The following ERC1 variants were observed in gnomAD, a reference collection of about 807,000 sequenced individuals.
The protein encoded by ERC1 is RAB6 interacting protein 2.
Under a neutral mutation model 132.0 loss-of-function variants are expected in ERC1, and 56 were observed. The observed-to-expected ratio is 0.42, with a 90% CI of 0.34 to 0.53. The LOEUF (loss-of-function observed/expected upper bound fraction) is 0.53. ERC1 is among the 20% of genes least tolerant of loss of function. The pLI, the probability that ERC1 is intolerant of heterozygous loss-of-function variation, is 0.03. For synonymous variants in ERC1, 478 were observed against 476.1 expected, an observed-to-expected ratio of 1.00 and a Z score of -0.05; for missense variants, 1,202 against 1,349.9, an observed-to-expected ratio of 0.89 and a Z score of 1.72.
intron 16 of ERC1, among the ~76,000 whole-genome samples, chr12:1,390,073 C>G (rs1319635842): frequency 6.6e-6 from 1 of 152,042 alleles, no homozygotes; most frequent in Non-Finnish European, 1.5e-5. Flanking sequence ...CTGGAAGTGA[C>G]CTTTGTATAT....
intron 3 of ERC1, among the ~76,000 whole-genome samples, chr12:1,099,529 C>G (rs1204600297): frequency 6.6e-6 from 1 of 152,180 alleles, no homozygotes; most frequent in Non-Finnish European, 1.5e-5. Flanking sequence ...TAATTACTCT[C>G]TTACAGTATT....
chr12:1,307,781 A>G (rs562835148), intron 15 of ERC1, among the ~76,000 whole-genome samples: 22 of 152,280 alleles, frequency 1.4e-4, no homozygotes, highest in African/African-American at 4.8e-4. Flanking sequence ...TCCTCCATCT[A>G]AGCTTCTTAA....
At chr12:1,230,426 A>G (rs1347834394) in intron 12 of ERC1, among the ~76,000 whole-genome samples, 1 of 152,132 alleles carries the variant, frequency 6.6e-6, no homozygotes, top group Non-Finnish European at 1.5e-5. Flanking sequence ...ATTTTATACC[A>G]TTGTAGTTGA....
intron 15 of ERC1, among the ~76,000 whole-genome samples, chr12:1,351,150 G>A (rs1181825759): frequency 6.6e-6 from 1 of 152,164 alleles, no homozygotes; most frequent in East Asian, 1.9e-4. Context: ...ACACCATAGT[G>A]ATATCCTTGG....
intron 6 of ERC1, among the ~76,000 whole-genome samples, chr12:1,113,059 A>G (rs897713009): frequency 3.3e-5 from 5 of 152,194 alleles, no homozygotes; most frequent in African/African-American, 1.2e-4. Flanking sequence ...CAGTATGACA[A>G]CTATTTACAT....
chr12:1,100,819 T>G lies in ERC1; in HGVS notation c.1087-3931T>G, dbSNP rs115556602. 2.1e-3 allele frequency among the ~76,000 whole-genome samples: 323 copies of G among 152,126 alleles called. 2 individuals are homozygous for G. Among genetic ancestry groups the G allele is most frequent in the African/African-American group, 7.6e-3 (317 of 41,496 alleles). On this transcript the variant is annotated intron_variant, in intron 3 of 18. Transcript: ENST00000360905. ...ATGGATTTCAGTAGGAGGTAAACAT[T>G]TGGGAGTTATCAGTATGTGCATGAT...
intron 2 of ERC1, among the ~76,000 whole-genome samples, chr12:1,068,445 T>A (rs993663524): frequency 6.6e-6 from 1 of 152,152 alleles, no homozygotes. Flanking sequence ...CCTTTCTTAT[T>A]TATTACATAC....
chr12:994,450 G>A (rs1484600218), intron 1 of ERC1, among the ~76,000 whole-genome samples: 1 of 152,164 alleles, frequency 6.6e-6, no homozygotes, highest in East Asian at 1.9e-4. Context: ...CTTTGCCATG[G>A]TATGATGTAG....
chr12:1,373,646 G>C (rs1371978733), intron 16 of ERC1, among the ~76,000 whole-genome samples: 1 of 152,186 alleles, frequency 6.6e-6, no homozygotes, highest in East Asian at 1.9e-4. Flanking sequence ...TGGATGTGGT[G>C]GTGCACCTCT....
chr12:1,345,430 G>A (rs1227091926), intron 15 of ERC1, among the ~76,000 whole-genome samples: 11 of 152,120 alleles, frequency 7.2e-5, no homozygotes, highest in South Asian at 4.2e-4. Flanking sequence ...TGATCTGCCC[G>A]CCTCGGCCTC....
intron 15 of ERC1, among the ~76,000 whole-genome samples, chr12:1,343,212 C>A (rs1451756849): frequency 6.6e-6 from 1 of 152,178 alleles, no homozygotes; most frequent in Non-Finnish European, 1.5e-5. Context: ...TGCAAACAGG[C>A]ATCATAAGCA....
intron 2 of ERC1, among the ~76,000 whole-genome samples, chr12:1,072,056 G>A (rs939417227): frequency 6.6e-6 from 1 of 151,132 alleles, no homozygotes; most frequent in African/African-American, 2.4e-5. Context: ...AGCCAAGATT[G>A]CGCCACTACA....
chr12:1,463,688 G>T (rs2093684783), intron 18 of ERC1, among the ~76,000 whole-genome samples: 1 of 108,440 alleles, frequency 9.2e-6, no homozygotes, highest in African/African-American at 5.7e-5. Context: ...AGGGGTTGGG[G>T]TGCTAAGACT....
chr12:1,229,236 T>C (rs2074839433), intron 12 of ERC1, among the ~76,000 whole-genome samples: 1 of 152,216 alleles, frequency 6.6e-6, no homozygotes, highest in East Asian at 1.9e-4. Flanking sequence ...CTTGTCCAGG[T>C]ACAGTGTGTA....
intron 13 of ERC1, among the ~76,000 whole-genome samples, chr12:1,244,274 T>C (rs2076017940): frequency 6.6e-6 from 1 of 152,200 alleles, no homozygotes; most frequent in African/African-American, 2.4e-5. Flanking sequence ...AATAGTAGAA[T>C]AGCAATTAAT....
Position 1,059,966 on chromosome 12 carries a change from G to T in ERC1, c.670-23198G>T, listed in dbSNP as rs200883240. ...TTAGCATTAAAGCTATCTGATCCAGGGTTTCCTTTGTTGAGAGACTTTTTA... is the reference window on the plus strand; with the variant it reads ...TTAGCATTAAAGCTATCTGATCCAGTGTTTCCTTTGTTGAGAGACTTTTTA... On this transcript the variant is annotated intron_variant, in intron 2 of 18. Coordinates refer to ENST00000360905, the MANE Select transcript of ERC1 (RefSeq NM_178040.4). 1.1e-4 allele frequency among the ~76,000 whole-genome samples: 16 copies of T among 152,200 alleles called. No homozygotes were observed. In the East Asian group the frequency reaches 2.9e-3, roughly 28 times the overall value.
intron 15 of ERC1, among the ~76,000 whole-genome samples, chr12:1,349,660 TAA>T (rs57752848): frequency 0.013 from 1,351 of 107,546 alleles, 31 homozygotes; most frequent in African/African-American, 0.041. Context: ...TGAGACCGTC[TAA>T]AAAAAAAAAA....
chr12:1,346,067 C>G (rs1378414203), intron 15 of ERC1, among the ~76,000 whole-genome samples: 1 of 152,168 alleles, frequency 6.6e-6, no homozygotes, highest in Non-Finnish European at 1.5e-5. Flanking sequence ...TGACTTCAGC[C>G]TGCTTTTCTA....
intron 17 of ERC1, among the ~76,000 whole-genome samples, chr12:1,440,306 G>A (rs551483575): frequency 7.6e-4 from 109 of 142,722 alleles, no homozygotes; most frequent in East Asian, 1.9e-3. Flanking sequence ...CTGGGTTCAC[G>A]CCATTCTCCT....
Sources: allele counts gnomAD v4.1 joint callset (sites outside exome capture counted in the v4.1 genomes callset), GRCh38; gene constraint gnomAD v4.1.1; transcripts MANE v1.5; gene names NCBI Gene and HGNC (gene_info 2026-07-23, HGNC 2026-07-21).